The following PHLPP1 variants were observed in gnomAD, a reference collection of about 807,000 sequenced individuals.
PHLPP1 encodes PH domain leucine-rich repeat-containing protein phosphatase 1.
In PHLPP1, 42 loss-of-function variants were observed where a neutral mutation model predicts 117.2. That is an observed-to-expected ratio of 0.36 (90% CI 0.28 to 0.46). The LOEUF (loss-of-function observed/expected upper bound fraction) is 0.46. Among genes scored for constraint, PHLPP1 ranks in the 20% least tolerant of loss-of-function variants. The probability of loss-of-function intolerance (pLI) is 1.00; values close to 1 mark genes in which losing one functional copy is unlikely to be tolerated. For missense variants in PHLPP1, 2,084 were observed against 2,241.9 expected (o/e 0.93, Z 1.42); for synonymous variants, 1,042 against 970.7 (o/e 1.07, Z -1.37).
Position 62,895,741 on chromosome 18 carries a change from T to G in PHLPP1, c.2214-40T>G, listed in dbSNP as rs529234852. ...TATGTTGATAATAAAGATGTAAAAT[T>G]TATATGTTCTCTTTGTAATTCTTAT... On this transcript the variant is annotated intron_variant, in intron 5 of 16. Coordinates refer to ENST00000262719, the MANE Select transcript of PHLPP1 (RefSeq NM_194449.4). 8.2e-6 allele frequency: 10 copies of G among 1,219,690 alleles called. No individual in the cohort carries two copies. In the African/African-American group the frequency reaches 1.5e-4, roughly 18 times the overall value. The allele number at this position is 1,219,690 out of a possible 1,614,324, so 75.6% of individuals were successfully genotyped here.
chr18:62,968,619 C>A (rs760337337), intron 14 of PHLPP1, among the ~76,000 whole-genome samples: 1 of 141,874 alleles, frequency 7.0e-6, no homozygotes, highest in African/African-American at 2.6e-5. Flanking sequence ...TTCACTGCAA[C>A]CTTTCCCTTC....
Position 62,978,881 on chromosome 18 carries a change from C to A in PHLPP1, c.4604C>A (p.Thr1535Lys). Residue 1535 changes from threonine (T) to lysine (K), a missense_variant, in exon 17 of 17, where the codon ACG becomes AAG. Transcript: ENST00000262719. This position sits in a 1 kb window ranked among gnomAD's most constrained non-coding sequence, Gnocchi z 7.0. Reference sequence around the variant, plus strand: ...TTCCAGCGCCAGCTATCCAGCGCCACGTTCTCTAGCGCCTTCTCCGACAAC... The same window carrying A: ...TTCCAGCGCCAGCTATCCAGCGCCAAGTTCTCTAGCGCCTTCTCCGACAAC... Reference protein sequence around the residue: ...NSFQRQLSSATFSSAFSDNGL... With the variant: ...NSFQRQLSSAKFSSAFSDNGL... 6.2e-7 allele frequency: 1 copy of A among 1,606,568 alleles called. No homozygotes were observed. Among genetic ancestry groups the A allele is most frequent in the Non-Finnish European group, 8.5e-7 (1 of 1,176,648 alleles).
rs1916761224 is a variant in PHLPP1 at position 62,902,958 on chromosome 18, C to T, written c.2445-6C>T. On this transcript the variant is annotated splice_region_variant and splice_polypyrimidine_tract_variant and intron_variant, in intron 6 of 16. Coordinates refer to ENST00000262719, the MANE Select transcript of PHLPP1 (RefSeq NM_194449.4). The stretch of plus-strand genomic sequence containing the variant: ...AATTATAGTCTCTATGTCCTTTGCC[C>T]TCAAGGTTGAACGTAATTAGGAAGC... 1 of 1,598,084 alleles carries T rather than the reference C, an allele frequency of 6.3e-7. No homozygotes were observed. Among genetic ancestry groups the T allele is most frequent in the Admixed American group, 1.7e-5 (1 of 59,962 alleles).
At chr18:62,768,600 C>G (rs183327563) in intron 1 of PHLPP1, among the ~76,000 whole-genome samples, 2 of 152,298 alleles carry the variant, frequency 1.3e-5, no homozygotes, top group East Asian at 3.9e-4. Flanking sequence ...TTGGAAGTCA[C>G]TAAACCTTAC....
chr18:62,803,341 G>A (rs1303414849), intron 1 of PHLPP1, among the ~76,000 whole-genome samples: 4 of 152,072 alleles, frequency 2.6e-5, no homozygotes, highest in African/African-American at 9.7e-5. Context: ...AATACTGTCA[G>A]CATCCCAAGT....
At chr18:62,924,167 A>G (rs992063821) in intron 10 of PHLPP1, among the ~76,000 whole-genome samples, 4 of 152,222 alleles carry the variant, frequency 2.6e-5, no homozygotes, top group Non-Finnish European at 5.9e-5. Flanking sequence ...TTGTTGGATG[A>G]TACAAAGCTG....
rs1297336371 is a variant in PHLPP1 at position 62,849,828 on chromosome 18, A to ATATAT, written c.1900-10607_1900-10606insTATAT. On this transcript the variant is annotated intron_variant, in intron 3 of 16. Transcript: ENST00000262719. ...AAAAAAAAAAAAAAAAAAAAAAAAAAAAAAATATATATATCCTTTAAAGTT... is the reference window on the plus strand; with the variant it reads ...AAAAAAAAAAAAAAAAAAAAAAAAAATATATAAAAATATATATATCCTTTAAAGTT... 4.2e-3 allele frequency among the ~76,000 whole-genome samples: 110 copies of ATATAT among 26,086 alleles called. 10 individuals carry two copies. Among genetic ancestry groups the ATATAT allele is most frequent in the African/African-American group, 8.5e-3 (62 of 7,336 alleles). 17.1% of individuals were successfully genotyped at this position (26,086 alleles called of 152,430 possible). A position where few individuals can be genotyped will look rare whatever the true frequency, so the allele number is the denominator to read the frequency against.
intron 1 of PHLPP1, among the ~76,000 whole-genome samples, chr18:62,799,141 T>G (rs907125067): frequency 6.6e-6 from 1 of 152,186 alleles, no homozygotes; most frequent in African/African-American, 2.4e-5. Context: ...GCAGTGATCT[T>G]GGATAATCAC....
Position 62,892,704 on chromosome 18 carries a change from G to A in PHLPP1, c.2067-2307G>A, listed in dbSNP as rs546180854. On this transcript the variant is annotated intron_variant, in intron 4 of 16. Transcript: ENST00000262719. ...ATCCTGGCCAACATGGTGAAACCCC[G>A]TCTCTAATAAAAATACAAAAAATTA... Among the ~76,000 whole-genome samples the A allele has an allele frequency of 4.6e-5, 7 of 151,522 alleles. No individual in the cohort carries two copies. The South Asian group carries it at 6.2e-4, about 14-fold the overall frequency.
intron 8 of PHLPP1, among the ~76,000 whole-genome samples, chr18:62,905,731 T>A (rs1468854443): frequency 1.3e-5 from 2 of 152,226 alleles, no homozygotes; most frequent in Non-Finnish European, 2.9e-5. Flanking sequence ...CATATATCTC[T>A]TCGCTAAAAA....
intron 1 of PHLPP1, among the ~76,000 whole-genome samples, chr18:62,730,515 G>C (rs1350315915): frequency 6.6e-6 from 1 of 151,982 alleles, no homozygotes; most frequent in African/African-American, 2.4e-5. Flanking sequence ...GAAAAAAAAA[G>C]GTGATTTTAA....
At chr18:62,766,094 T>TATATATATATATATATATATATAA (rs1568109523) in intron 1 of PHLPP1, among the ~76,000 whole-genome samples, 1 of 80,436 alleles carries the variant, frequency 1.2e-5, no homozygotes, top group African/African-American at 4.0e-5. Flanking sequence ...TATATATATA[T>TATATATATATATATATATATATAA]ATATATATAA....
At chr18:62,808,557 GTT>G (rs553137209) in intron 1 of PHLPP1, among the ~76,000 whole-genome samples, 1 of 135,536 alleles carries the variant, frequency 7.4e-6, no homozygotes. Flanking sequence ...GTTTTTTTTT[GTT>G]TTTTTTTTTT....
chr18:62,783,427 A>G (rs1913183544), intron 1 of PHLPP1, among the ~76,000 whole-genome samples: 1 of 151,986 alleles, frequency 6.6e-6, no homozygotes, highest in Non-Finnish European at 1.5e-5. Context: ...ACGGGGTTTC[A>G]CCATGTTAGC....
Position 62,958,671 on chromosome 18 carries a change from C to G in PHLPP1, c.3367C>G (p.Pro1123Ala). The G allele has an allele frequency of 6.2e-7, 1 of 1,613,908 alleles. No homozygotes were observed. The change falls in exon 13 of 17, where the codon CCA becomes GCA. Residue 1123 changes from proline (P) to alanine (A), a missense_variant. Transcript: ENST00000262719. ...SCNELSEVTL[P>A]ENLPPKLQEL... is the part of the protein sequence containing the mutation. The stretch of plus-strand genomic sequence containing the variant: ...TAATGAGCTAAGTGAAGTCACATTA[C>G]CAGAAAACCTGCCTCCCAAACTGCA...
At chr18:62,755,986 C>CT (rs944839439) in intron 1 of PHLPP1, among the ~76,000 whole-genome samples, 8 of 146,590 alleles carry the variant, frequency 5.5e-5, no homozygotes, top group Admixed American at 5.4e-4. Flanking sequence ...TTTTGTTCCC[C>CT]CCCCCCTTCA....
intron 4 of PHLPP1, among the ~76,000 whole-genome samples, chr18:62,892,245 C>T (rs575126753): frequency 3.7e-4 from 56 of 151,746 alleles, no homozygotes; most frequent in Middle Eastern, 3.4e-3. Context: ...CACACCACCA[C>T]GCCCAGCTAA....
chr18:62,776,763 C>T (rs564775218), intron 1 of PHLPP1, among the ~76,000 whole-genome samples: 242 of 152,210 alleles, frequency 1.6e-3, no homozygotes, highest in Non-Finnish European at 2.0e-3. Flanking sequence ...GTACCCGCCA[C>T]CACACCCGGC....
intron 13 of PHLPP1, among the ~76,000 whole-genome samples, chr18:62,961,448 AT>A (rs546553505): frequency 3.1e-4 from 47 of 149,724 alleles, no homozygotes; most frequent in African/African-American, 7.3e-4. Context: ...GTTAAGAGTT[AT>A]TTTTTTTTTC....
Sources: allele counts gnomAD v4.1 joint callset (sites outside exome capture counted in the v4.1 genomes callset), GRCh38; gene constraint gnomAD v4.1.1; non-coding constraint Gnocchi (gnomAD v3.1); transcripts MANE v1.5; gene names NCBI Gene and HGNC (gene_info 2026-07-23, HGNC 2026-07-21).